The following LAMA2 variants were observed in gnomAD, a reference collection of about 807,000 sequenced individuals.
The protein encoded by LAMA2 is laminin subunit alpha-2.
Under a neutral mutation model 364.8 loss-of-function variants are expected in LAMA2, and 269 were observed. The ratio of observed to expected loss-of-function variants is 0.74; its 90% CI spans 0.67 to 0.82. The LOEUF (loss-of-function observed/expected upper bound fraction) is 0.82. Among genes scored for constraint, LAMA2 ranks in the 40% least tolerant of loss-of-function variants. LAMA2 has a pLI of 0.00. For synonymous variants in LAMA2, 1,379 were observed against 1,370.6 expected (o/e 1.01, Z -0.14); for missense variants, 3,807 against 3,873.2 (o/e 0.98, Z 0.45).
At chr6:129,165,798 A>G in intron 9 of LAMA2, 123 bp downstream of exon 9, 1 of 729,626 alleles carries the variant, frequency 1.4e-6, no homozygotes, top group Non-Finnish European at 2.5e-6. Flanking sequence ...TCTTTAATCT[A>G]TCAGTGTATT....
intron 1 of LAMA2, among the ~76,000 whole-genome samples, chr6:129,048,493 T>TTTCTTTCTTTCTTTCTTTCTTTCC (rs1384475895): frequency 1.9e-5 from 1 of 51,306 alleles, no homozygotes; most frequent in Non-Finnish European, 4.1e-5. Flanking sequence ...TCTTTCTTTC[T>TTTCTTTCTTTCTTTCTTTCTTTCC]TTCCTTCCTT....
intron 4 of LAMA2, among the ~76,000 whole-genome samples, chr6:129,126,955 G>A (rs1402081100): frequency 6.6e-6 from 1 of 152,116 alleles, no homozygotes; most frequent in Non-Finnish European, 1.5e-5. Context: ...TAGTCCCAGC[G>A]ACTTCGGAGG....
chr6:129,191,360 T>C (rs1014934685), intron 11 of LAMA2, among the ~76,000 whole-genome samples: 2 of 152,242 alleles, frequency 1.3e-5, no homozygotes, highest in African/African-American at 4.8e-5. Flanking sequence ...TATGAAATAT[T>C]ATCTATACGT....
chr6:129,204,524 A>G (rs1562328894), intron 12 of LAMA2, among the ~76,000 whole-genome samples: 1 of 152,040 alleles, frequency 6.6e-6, no homozygotes, highest in African/African-American at 2.4e-5. Context: ...CCGACAGGGT[A>G]AACACCATGT....
At chr6:129,091,075 G>T (rs536157540) in intron 3 of LAMA2, among the ~76,000 whole-genome samples, 40 of 151,898 alleles carry the variant, frequency 2.6e-4, no homozygotes, top group Non-Finnish European at 4.4e-4. Flanking sequence ...AAGTCGTTCA[G>T]CACTAAGGAA....
chr6:129,158,569 T>C lies in LAMA2; in HGVS notation c.1206+3886T>C, dbSNP rs1226159722. 5.0e-6 allele frequency: 8 copies of C among 1,613,978 alleles called. No individual in the cohort carries two copies. In the East Asian group the frequency reaches 1.6e-4, roughly 31 times the overall value. On this transcript the variant is annotated intron_variant, in intron 8 of 64. Transcript: ENST00000421865. Reference sequence around the variant, plus strand: ...AAATCACGATTGTAACGACGTCTGCTTGAGATGCTCTTGCAATAATGTTTG... The same window carrying C: ...AAATCACGATTGTAACGACGTCTGCCTGAGATGCTCTTGCAATAATGTTTG...
intron 3 of LAMA2, 142 bp from the exon 4 acceptor site, chr6:129,098,031 G>A (rs1027954067): frequency 2.9e-6 from 3 of 1,018,718 alleles, no homozygotes; most frequent in Admixed American, 4.2e-5. Flanking sequence ...ACCTGTAATA[G>A]TAAAATCATT....
At position 129,280,072 on chromosome 6, in the gene LAMA2, C is replaced by T. The variant is rs117422805; in HGVS notation, c.2462C>T (p.Thr821Met). 3,712 of 1,612,224 alleles carry T rather than the reference C, an allele frequency of 2.3e-3. 10 individuals are homozygous for T. Among genetic ancestry groups the T allele is most frequent in the Non-Finnish European group, 2.6e-3 (3,116 of 1,178,400 alleles). Residue 821 changes from threonine to methionine, a missense_variant, in exon 18 of 65, where the codon ACG becomes ATG. Thr to Met is a moderately conservative substitution (Grantham distance 81, BLOSUM62 -1). Transcript: ENST00000421865. ...CAACATCAACATAGCTTTAGCCCAA[C>T]GTGCCATTTAGACCGGAGTCTTGGA... The part of the protein sequence containing the change: ...LNIPSNNFSP[T>M]CHLDRSLGLI...
chr6:129,306,496 T>C (rs1773886628), intron 22 of LAMA2, among the ~76,000 whole-genome samples: 1 of 151,788 alleles, frequency 6.6e-6, no homozygotes, highest in Non-Finnish European at 1.5e-5. Context: ...TGTAGGATTA[T>C]AGTTTTCATC....
intron 12 of LAMA2, among the ~76,000 whole-genome samples, chr6:129,232,622 T>A (rs756132320): frequency 6.6e-5 from 10 of 152,158 alleles, no homozygotes; most frequent in Non-Finnish European, 1.2e-4. Context: ...TATTTCTTTA[T>A]ATTGACTGAT....
intron 1 of LAMA2, among the ~76,000 whole-genome samples, chr6:128,987,381 T>C (rs1783329377): frequency 6.6e-6 from 1 of 152,046 alleles, no homozygotes; most frequent in African/African-American, 2.4e-5. Flanking sequence ...GACCTTGGGA[T>C]CCAACCGCCT....
chr6:128,910,575 G>A (rs1308175671), intron 1 of LAMA2, among the ~76,000 whole-genome samples: 1 of 151,978 alleles, frequency 6.6e-6, no homozygotes, highest in Admixed American at 6.5e-5. Flanking sequence ...CTTTGCCTTT[G>A]GTTTGAATGT....
At chr6:129,441,298 G>T (rs895240602) in intron 43 of LAMA2, among the ~76,000 whole-genome samples, 1 of 152,160 alleles carries the variant, frequency 6.6e-6, no homozygotes, top group South Asian at 2.1e-4. Context: ...ATCCGTGTGT[G>T]TAATTAAAAA....
chr6:129,076,503 A>AT (rs11432436), intron 3 of LAMA2, among the ~76,000 whole-genome samples: 100,900 of 130,202 alleles, frequency 0.77, 38,385 homozygotes, highest in East Asian at 0.97. Flanking sequence ...ATATATAAAT[A>AT]TATATATATA....
chr6:128,944,217 T>TG (rs1780354669), intron 1 of LAMA2, among the ~76,000 whole-genome samples: 2 of 152,172 alleles, frequency 1.3e-5, no homozygotes, highest in Non-Finnish European at 2.9e-5. Flanking sequence ...ATGCTGACAA[T>TG]GCACAGTTAA....
chr6:129,046,509 A>G (rs1452807939), intron 1 of LAMA2, among the ~76,000 whole-genome samples: 3 of 152,196 alleles, frequency 2.0e-5, no homozygotes, highest in Non-Finnish European at 4.4e-5. Flanking sequence ...CAGCATGAGA[A>G]AAACCTGCCC....
chr6:129,117,788 CTTG>C (rs1190758719), intron 4 of LAMA2, among the ~76,000 whole-genome samples: 2 of 152,180 alleles, frequency 1.3e-5, no homozygotes, highest in Non-Finnish European at 2.9e-5. Context: ...AATGTACACT[CTTG>C]TTGTTCCCAT....
intron 3 of LAMA2, among the ~76,000 whole-genome samples, chr6:129,064,111 T>C (rs1789124056): frequency 6.6e-6 from 1 of 152,048 alleles, no homozygotes; most frequent in Non-Finnish European, 1.5e-5. Context: ...AAAGGATGTG[T>C]TGTACAAGGA....
chr6:128,954,089 T>A (rs1179863414), intron 1 of LAMA2, among the ~76,000 whole-genome samples: 2 of 152,126 alleles, frequency 1.3e-5, no homozygotes, highest in East Asian at 3.8e-4. Context: ...TCCAGAAACT[T>A]GTCTCTTCGA....
Sources: gnomAD v4.1 joint callset for allele counts (sites outside exome capture counted in the v4.1 genomes callset) on GRCh38, gnomAD v4.1.1 for gene constraint, MANE v1.5 for transcripts, NCBI Gene and HGNC (gene_info 2026-07-23, HGNC 2026-07-21) for gene names.